The following ARSJ variants were observed in gnomAD, a reference collection of about 807,000 sequenced individuals.
The protein encoded by ARSJ is arylsulfatase family member J.
ARSJ carries 26 observed loss-of-function variants against 35.9 expected under a neutral mutation model. The observed-to-expected ratio is 0.72, with a 90% CI of 0.53 to 1.00. The LOEUF is 1.00. ARSJ is among the 50% of genes least tolerant of loss of function. The pLI is 0.00. For synonymous variants in ARSJ, 294 were observed against 267.6 expected (o/e 1.10, Z -0.96); for missense variants, 667 against 723.6 (o/e 0.92, Z 0.90).
At chr4:113,915,938 G>A (rs546586880) in intron 1 of ARSJ, among the ~76,000 whole-genome samples, 35 of 152,310 alleles carry the variant, frequency 2.3e-4, no homozygotes, top group African/African-American at 7.5e-4. Context: ...TCCAGTGAGG[G>A]TTCACTGCTT....
At chr4:113,937,178 A>G (rs917597939) in intron 1 of ARSJ, among the ~76,000 whole-genome samples, 2 of 151,940 alleles carry the variant, frequency 1.3e-5, no homozygotes, top group Non-Finnish European at 2.9e-5. Flanking sequence ...TGCAAGGGCC[A>G]GAGATTCTCA....
intron 1 of ARSJ, among the ~76,000 whole-genome samples, chr4:113,952,796 A>G (rs1562366539): frequency 6.6e-6 from 1 of 152,104 alleles, no homozygotes; most frequent in Non-Finnish European, 1.5e-5. Flanking sequence ...GAACAGAGAT[A>G]GAGCTGGGAC....
At chr4:113,913,672 T>C (rs1014214715) in intron 1 of ARSJ, among the ~76,000 whole-genome samples, 4 of 152,184 alleles carry the variant, frequency 2.6e-5, no homozygotes, top group African/African-American at 9.6e-5. Context: ...ATAAAACAAG[T>C]GTACCCACAC....
chr4:113,942,028 G>C (rs142935534), intron 1 of ARSJ, among the ~76,000 whole-genome samples: 3 of 151,922 alleles, frequency 2.0e-5, no homozygotes, highest in Non-Finnish European at 4.4e-5. Flanking sequence ...AGAATGTTAA[G>C]ATACCTAGGA....
At chr4:113,962,385 A>T (rs948074710) in intron 1 of ARSJ, among the ~76,000 whole-genome samples, 2 of 152,086 alleles carry the variant, frequency 1.3e-5, no homozygotes. Context: ...AAGAAGGGAG[A>T]AACAAAGACT....
chr4:113,948,094 C>T (rs547771086), intron 1 of ARSJ, among the ~76,000 whole-genome samples: 155 of 152,134 alleles, frequency 1.0e-3, no homozygotes, highest in Non-Finnish European at 1.7e-3. Context: ...GAGGCTGAGG[C>T]ACAAGAATCT....
At chr4:113,933,936 A>G (rs1415159042) in intron 1 of ARSJ, among the ~76,000 whole-genome samples, 6 of 151,864 alleles carry the variant, frequency 4.0e-5, no homozygotes, top group Non-Finnish European at 8.8e-5. Context: ...AAATTGGCAA[A>G]AAAGAAGTCA....
At chr4:113,946,590 C>A (rs926372265) in intron 1 of ARSJ, among the ~76,000 whole-genome samples, 1 of 151,212 alleles carries the variant, frequency 6.6e-6, no homozygotes, top group Admixed American at 6.6e-5. Flanking sequence ...CACACACACA[C>A]ACACGTCAGT....
At chr4:113,950,824 T>A (rs193002614) in intron 1 of ARSJ, among the ~76,000 whole-genome samples, 3 of 152,160 alleles carry the variant, frequency 2.0e-5, no homozygotes, top group Admixed American at 2.0e-4. Flanking sequence ...GAATGGGAAT[T>A]ATTTTCTCTG....
At chr4:113,971,964 T>G (rs1372294908) in intron 1 of ARSJ, among the ~76,000 whole-genome samples, 1 of 152,242 alleles carries the variant, frequency 6.6e-6, no homozygotes, top group Non-Finnish European at 1.5e-5. Flanking sequence ...CTTACTTGAC[T>G]CCTTCTCCTA....
intron 1 of ARSJ, among the ~76,000 whole-genome samples, chr4:113,925,436 T>C (rs7674174): frequency 0.72 from 109,877 of 151,878 alleles, 40,293 homozygotes; most frequent in East Asian, 0.81. Context: ...GTACCATATA[T>C]TGGACACTGA....
chr4:113,949,062 C>T (rs559655294), intron 1 of ARSJ, among the ~76,000 whole-genome samples: 35 of 152,066 alleles, frequency 2.3e-4, no homozygotes, highest in Non-Finnish European at 3.5e-4. Flanking sequence ...AAGCTGGAAA[C>T]CATCATTCCC....
intron 1 of ARSJ, among the ~76,000 whole-genome samples, chr4:113,936,782 T>C (rs959328152): frequency 6.6e-6 from 1 of 151,882 alleles, no homozygotes; most frequent in African/African-American, 2.4e-5. Flanking sequence ...TATTTTTATT[T>C]TGGAACTCAT....
chr4:113,974,316 T>TA lies in ARSJ; in HGVS notation c.398+4120dup, dbSNP rs200546630. 1.7e-4 allele frequency among the ~76,000 whole-genome samples: 26 copies of TA among 150,956 alleles called. No homozygotes were observed. In the East Asian group the frequency reaches 1.9e-3, roughly 11 times the overall value. On this transcript the variant is annotated intron_variant, in intron 1 of 1. Coordinates refer to ENST00000315366, the MANE Select transcript of ARSJ (RefSeq NM_024590.4). The stretch of plus-strand genomic sequence containing the variant: ...GTTAATAAAAAAAATGAAAAATCGC[T>TA]AAAAAAAACCAAACACACCAAAACC...
intron 1 of ARSJ, among the ~76,000 whole-genome samples, chr4:113,944,830 T>C (rs1018649931): frequency 1.3e-5 from 2 of 152,120 alleles, no homozygotes; most frequent in Non-Finnish European, 2.9e-5. Flanking sequence ...TTTTGTTGCC[T>C]ATGAATATTA....
At chr4:113,925,806 C>T (rs1245174594) in intron 1 of ARSJ, among the ~76,000 whole-genome samples, 3 of 152,168 alleles carry the variant, frequency 2.0e-5, no homozygotes, top group Non-Finnish European at 4.4e-5. Context: ...AACCACTGCC[C>T]TTTACATGAT....
At chr4:113,948,111 T>G (rs1410782058) in intron 1 of ARSJ, among the ~76,000 whole-genome samples, 3 of 152,024 alleles carry the variant, frequency 2.0e-5, no homozygotes, top group Non-Finnish European at 1.5e-5. Context: ...ATCTCTTGAA[T>G]CCAGGAGGTG....
At chr4:113,906,457 G>A (rs1368359363) in intron 1 of ARSJ, among the ~76,000 whole-genome samples, 1 of 152,162 alleles carries the variant, frequency 6.6e-6, no homozygotes, top group African/African-American at 2.4e-5. Flanking sequence ...CAACTATGAG[G>A]TTTCTGTCTT....
At chr4:113,965,587 G>T (rs1373414457) in intron 1 of ARSJ, among the ~76,000 whole-genome samples, 3 of 152,036 alleles carry the variant, frequency 2.0e-5, no homozygotes, top group Non-Finnish European at 4.4e-5. Context: ...CACATATATA[G>T]AGAGATTAAT....
Sources: gnomAD v4.1 joint callset for allele counts (sites outside exome capture counted in the v4.1 genomes callset) on GRCh38, gnomAD v4.1.1 for gene constraint, MANE v1.5 for transcripts, NCBI Gene and HGNC (gene_info 2026-07-23, HGNC 2026-07-21) for gene names.